The following SHISA6 variants were observed in gnomAD, a reference collection of about 807,000 sequenced individuals.
SHISA6 encodes the protein protein shisa-6.
In SHISA6, 22 loss-of-function variants were observed where a neutral mutation model predicts 47.9. The ratio of observed to expected loss-of-function variants is 0.46; its 90% CI spans 0.33 to 0.66. The LOEUF (loss-of-function observed/expected upper bound fraction) is 0.66, where lower values mean the gene tolerates loss of function less well. SHISA6 is among the 30% of genes least tolerant of loss of function. The probability of loss-of-function intolerance (pLI) is 0.02; values close to 1 mark genes in which losing one functional copy is unlikely to be tolerated. For synonymous variants in SHISA6, 388 were observed against 337.8 expected (o/e 1.15, Z -1.63); for missense variants, 680 against 764.6 (o/e 0.89, Z 1.30).
At chr17:11,437,697 T>C (rs559785459) in intron 3 of SHISA6, among the ~76,000 whole-genome samples, 2 of 152,308 alleles carry the variant, frequency 1.3e-5, no homozygotes, top group African/African-American at 4.8e-5. Flanking sequence ...CTGAGGCACA[T>C]TGCACTCTGG....
intron 3 of SHISA6, among the ~76,000 whole-genome samples, chr17:11,529,378 T>C (rs1753686716): frequency 2.6e-5 from 4 of 152,044 alleles, no homozygotes; most frequent in Admixed American, 2.6e-4. Context: ...GGCTCAATAT[T>C]TGGTATAGGA....
intron 2 of SHISA6, among the ~76,000 whole-genome samples, chr17:11,322,802 G>A (rs1910755383): frequency 6.6e-6 from 1 of 152,200 alleles, no homozygotes; most frequent in African/African-American, 2.4e-5. Context: ...AGATTTTCAG[G>A]CTCCTACAAA....
In SHISA6 at chr17:11,563,932, A is replaced by G. The variant is rs1055510979; in HGVS notation, c.*5628A>G. The G allele has an allele frequency of 6.6e-5, 10 of 152,174 alleles. No homozygotes were observed. Among genetic ancestry groups the G allele is most frequent in the Non-Finnish European group, 8.8e-5 (6 of 68,030 alleles). 9.4% of individuals were successfully genotyped at this position (152,174 alleles called of 1,614,324 possible). A position where few individuals can be genotyped will look rare whatever the true frequency, so the allele number is the denominator to read the frequency against. On this transcript the variant is annotated 3_prime_UTR_variant, in exon 6 of 6. Transcript: ENST00000441885. The stretch of plus-strand genomic sequence containing the variant: ...TTCTCTGTACAAATCTCATCGTTCT[A>G]CTTACCTGTCAAAGCACATTCTACA...
At chr17:11,304,614 G>A (rs1332393538) in intron 2 of SHISA6, among the ~76,000 whole-genome samples, 1 of 152,150 alleles carries the variant, frequency 6.6e-6, no homozygotes, top group Non-Finnish European at 1.5e-5. Flanking sequence ...GGCATCAGAA[G>A]ACGAGATGAG....
At chr17:11,453,196 G>C (rs1915449119) in intron 3 of SHISA6, among the ~76,000 whole-genome samples, 2 of 152,150 alleles carry the variant, frequency 1.3e-5, no homozygotes, top group African/African-American at 2.4e-5. Flanking sequence ...GACCTACAAA[G>C]AGATTATCAT....
chr17:11,423,334 G>T (rs747980426), intron 3 of SHISA6, among the ~76,000 whole-genome samples: 4 of 13,922 alleles, frequency 2.9e-4, no homozygotes, highest in African/African-American at 1.5e-3. Flanking sequence ...TATATAGATA[G>T]ATAGATAGAT....
At chr17:11,298,680 A>G (rs1909829480) in intron 2 of SHISA6, among the ~76,000 whole-genome samples, 1 of 152,174 alleles carries the variant, frequency 6.6e-6, no homozygotes, top group Non-Finnish European at 1.5e-5. Flanking sequence ...TGAAAGCAGT[A>G]CAGATTCTGG....
At chr17:11,542,243 T>TAG (rs2071840239) in intron 3 of SHISA6, among the ~76,000 whole-genome samples, 1 of 149,764 alleles carries the variant, frequency 6.7e-6, no homozygotes, top group Non-Finnish European at 1.5e-5. Flanking sequence ...TCATCACATA[T>TAG]AGAGGAGCAG....
At chr17:11,335,255 C>T (rs999843461) in intron 2 of SHISA6, among the ~76,000 whole-genome samples, 1 of 152,320 alleles carries the variant, frequency 6.6e-6, no homozygotes, top group South Asian at 2.1e-4. Context: ...TTTAGATGCT[C>T]GCTGCTTCCT....
intron 2 of SHISA6, among the ~76,000 whole-genome samples, chr17:11,342,490 G>A (rs1911569239): frequency 2.0e-5 from 3 of 152,130 alleles, no homozygotes; most frequent in South Asian, 2.1e-4. Flanking sequence ...AAGGGTCTTC[G>A]TGAGCTCCCA....
chr17:11,260,626 C>G (rs1908198314), intron 1 of SHISA6, among the ~76,000 whole-genome samples: 1 of 152,024 alleles, frequency 6.6e-6, no homozygotes, highest in Non-Finnish European at 1.5e-5. Flanking sequence ...TTGCCTGTCC[C>G]TCAGACTCTG....
At chr17:11,428,779 C>CTTTTTT (rs34920362) in intron 3 of SHISA6, among the ~76,000 whole-genome samples, 27 of 96,006 alleles carry the variant, frequency 2.8e-4, no homozygotes, top group East Asian at 5.9e-4. Flanking sequence ...GATCCACTTT[C>CTTTTTT]TTTTTTTTTT....
chr17:11,273,525 G>A (rs970917007), intron 2 of SHISA6, among the ~76,000 whole-genome samples: 9 of 152,256 alleles, frequency 5.9e-5, no homozygotes, highest in African/African-American at 2.2e-4. Flanking sequence ...AGCAACTTGG[G>A]CATTTCCAGC....
chr17:11,315,027 A>G (rs1304366660), intron 2 of SHISA6, among the ~76,000 whole-genome samples: 2 of 152,238 alleles, frequency 1.3e-5, no homozygotes, highest in Non-Finnish European at 2.9e-5. Flanking sequence ...AGAAGGGGAC[A>G]TGAATGGAAT....
At chr17:11,378,012 G>A (rs1369540425) in intron 2 of SHISA6, among the ~76,000 whole-genome samples, 2 of 152,294 alleles carry the variant, frequency 1.3e-5, no homozygotes, top group African/African-American at 4.8e-5. Flanking sequence ...TAGGTTTTAA[G>A]CCCCACATGC....
intron 2 of SHISA6, among the ~76,000 whole-genome samples, chr17:11,345,857 T>C (rs1271910421): frequency 6.6e-6 from 1 of 152,086 alleles, no homozygotes; most frequent in Admixed American, 6.5e-5. Context: ...GTAGGTTCTT[T>C]TAGTAGATTC....
At chr17:11,492,804 AG>A (rs1215195772) in intron 3 of SHISA6, among the ~76,000 whole-genome samples, 1 of 152,132 alleles carries the variant, frequency 6.6e-6, no homozygotes, top group Non-Finnish European at 1.5e-5. Context: ...AAGAAGTCTT[AG>A]GGTTCCCAAG....
chr17:11,417,289 T>G (rs1914307843), intron 3 of SHISA6, among the ~76,000 whole-genome samples: 1 of 152,112 alleles, frequency 6.6e-6, no homozygotes. Context: ...ATTAACCAAA[T>G]TACCACCAAG....
chr17:11,241,498 GC>G lies in SHISA6; in HGVS notation c.79del (p.Arg27AlafsTer9). On this transcript the variant is annotated frameshift_variant, in exon 1 of 6. Transcript: ENST00000441885. LOFTEE classifies it high-confidence loss of function. This position sits in a 1 kb window ranked among gnomAD's most constrained non-coding sequence, Gnocchi z 5.5. ...SLDLLPSVHGARGRAANRTLS... is the reference protein window; with the variant it reads ...SLDLLPSVHGXRGRAANRTLS... ...GGACCTGCTGCCCAGCGTCCACGGA[GC>G]CCGCGGCCGCGCCGCCAACCGGACC... The G allele has an allele frequency of 8.6e-7, 1 of 1,160,008 alleles. No homozygotes were observed. Among genetic ancestry groups the G allele is most frequent in the Non-Finnish European group, 1.1e-6 (1 of 933,674 alleles). 71.9% of individuals were successfully genotyped at this position (1,160,008 alleles called of 1,614,324 possible). A position where few individuals can be genotyped will look rare whatever the true frequency, so the allele number is the denominator to read the frequency against.
Sources: gnomAD v4.1 joint callset for allele counts (sites outside exome capture counted in the v4.1 genomes callset) on GRCh38, gnomAD v4.1.1 for gene constraint, Gnocchi (gnomAD v3.1) non-coding constraint, MANE v1.5 for transcripts, NCBI Gene and HGNC (gene_info 2026-07-23, HGNC 2026-07-21) for gene names.